The following MSH3 variants were observed in gnomAD, a reference collection of about 807,000 sequenced individuals.
The protein encoded by MSH3 is DNA mismatch repair protein Msh3.
A neutral mutation model predicts 123.3 loss-of-function variants in MSH3; 106 were observed. The observed-to-expected ratio is 0.86, with a 90% CI of 0.73 to 1.01. MSH3 has a LOEUF of 1.01. Among genes scored for constraint, MSH3 ranks in the 50% least tolerant of loss-of-function variants. The pLI is 0.00. For missense variants in MSH3, 1,459 were observed against 1,347.6 expected, an observed-to-expected ratio of 1.08 and a Z score of -1.29; for synonymous variants, 515 against 481.4, an observed-to-expected ratio of 1.07 and a Z score of -0.91.
intron 19 of MSH3, among the ~76,000 whole-genome samples, chr5:80,798,504 C>G (rs1744737616): frequency 6.6e-6 from 1 of 152,110 alleles, no homozygotes; most frequent in South Asian, 2.1e-4. Flanking sequence ...TGCCTAATTA[C>G]CAAGTGGAAC....
chr5:80,674,953 A>G lies in MSH3; in HGVS notation c.1028-30A>G, dbSNP rs56116918. On this transcript the variant is annotated intron_variant, in intron 6 of 23. Transcript: ENST00000265081. ...AGCATATTAGGATTTAGAATTTAGC[A>G]TATAATTATTTTTCTTTAATTATTA... The G allele has an allele frequency of 9.5e-5, 138 of 1,458,920 alleles. No homozygotes were observed. In the East Asian group the frequency reaches 2.3e-3, roughly 24 times the overall value. The allele number at this position is 1,458,920 out of a possible 1,614,324, so 90.4% of individuals were successfully genotyped here.
At chr5:80,669,706 A>G (rs1431915109) in intron 3 of MSH3, among the ~76,000 whole-genome samples, 1 of 152,142 alleles carries the variant, frequency 6.6e-6, no homozygotes, top group Non-Finnish European at 1.5e-5. Flanking sequence ...GTTTTGCCCT[A>G]CTCCTGAGAG....
intron 3 of MSH3, among the ~76,000 whole-genome samples, chr5:80,669,721 C>T (rs1749657502): frequency 6.6e-6 from 1 of 152,042 alleles, no homozygotes; most frequent in Admixed American, 6.5e-5. Flanking sequence ...TGAGAGAGAG[C>T]CAGATTTGTC....
At chr5:80,697,735 A>G (rs986175414) in intron 8 of MSH3, among the ~76,000 whole-genome samples, 7 of 152,182 alleles carry the variant, frequency 4.6e-5, no homozygotes, top group Admixed American at 2.0e-4. Flanking sequence ...TGAGATGTAG[A>G]GAAATATAGA....
intron 3 of MSH3, among the ~76,000 whole-genome samples, chr5:80,666,974 A>T (rs2112810071): frequency 6.6e-6 from 1 of 152,118 alleles, no homozygotes; most frequent in East Asian, 1.9e-4. Context: ...TATCCAAATC[A>T]TTTTTTTTAA....
At chr5:80,836,443 G>A (rs1234174192) in intron 20 of MSH3, among the ~76,000 whole-genome samples, 2 of 149,018 alleles carry the variant, frequency 1.3e-5, no homozygotes, top group African/African-American at 4.9e-5. Flanking sequence ...AAGGCTTCCA[G>A]TCCACAGAAA....
At chr5:80,730,014 G>A (rs1743383032) in intron 10 of MSH3, among the ~76,000 whole-genome samples, 1 of 152,162 alleles carries the variant, frequency 6.6e-6, no homozygotes, top group Non-Finnish European at 1.5e-5. Context: ...GTCAAAGAAA[G>A]GCAGGTTCCT....
intron 3 of MSH3, among the ~76,000 whole-genome samples, chr5:80,666,404 A>G (rs1057018400): frequency 5.3e-5 from 8 of 152,164 alleles, no homozygotes; most frequent in Admixed American, 1.3e-4. Context: ...CTTTCCCACA[A>G]AGCCCAGATC....
chr5:80,774,589 G>A (rs1204553810), intron 15 of MSH3, among the ~76,000 whole-genome samples: 1 of 152,158 alleles, frequency 6.6e-6, no homozygotes, highest in Non-Finnish European at 1.5e-5. Flanking sequence ...AATGGGTAAA[G>A]AAGCTGTAGT....
At chr5:80,870,552 C>T (rs1746195320) in intron 22 of MSH3, among the ~76,000 whole-genome samples, 1 of 152,202 alleles carries the variant, frequency 6.6e-6, no homozygotes, top group African/African-American at 2.4e-5. Context: ...TTCCCACCTA[C>T]TTCCGCACCT....
intron 5 of MSH3, 62 bp from the exon 6 acceptor site, chr5:80,672,679 A>G: frequency 1.5e-6 from 2 of 1,314,136 alleles, no homozygotes; most frequent in Non-Finnish European, 2.2e-6. Context: ...AAACATTTCG[A>G]AATGAGTTTT....
In MSH3 at chr5:80,778,916, A is replaced by G. The variant is rs1360068037; in HGVS notation, c.2435+80A>G. On this transcript the variant is annotated intron_variant, in intron 17 of 23. Coordinates refer to ENST00000265081, the MANE Select transcript of MSH3 (RefSeq NM_002439.5). ...GAAAAATCTTTCCATCAAAAAGAAAATAGAGATTACAGCTCATGACCCACC... is the reference window on the plus strand; with the variant it reads ...GAAAAATCTTTCCATCAAAAAGAAAGTAGAGATTACAGCTCATGACCCACC... The G allele has an allele frequency of 4.8e-6, 4 of 838,656 alleles. No homozygotes were observed. The African/African-American group carries it at 6.7e-5, about 14-fold the overall frequency. 52.0% of individuals were successfully genotyped at this position (838,656 alleles called of 1,614,324 possible).
chr5:80,748,002 C>G (rs1743752625), intron 12 of MSH3, among the ~76,000 whole-genome samples: 1 of 152,148 alleles, frequency 6.6e-6, no homozygotes, highest in South Asian at 2.1e-4. Flanking sequence ...CCTTACTGAT[C>G]ACATCAGTGG....
chr5:80,806,470 T>A (rs1021640440), intron 19 of MSH3, among the ~76,000 whole-genome samples: 3 of 152,238 alleles, frequency 2.0e-5, no homozygotes, highest in African/African-American at 7.2e-5. Flanking sequence ...ATCAATTGTT[T>A]TGTACCAGTT....
At chr5:80,819,481 A>AT (rs1268091436) in intron 20 of MSH3, among the ~76,000 whole-genome samples, 211 of 118,208 alleles carry the variant, frequency 1.8e-3, no homozygotes, top group South Asian at 4.2e-3. Flanking sequence ...TATATATATA[A>AT]TTTTTTTTTT....
chr5:80,823,808 A>G (rs1272455941), intron 20 of MSH3, among the ~76,000 whole-genome samples: 3 of 152,076 alleles, frequency 2.0e-5, no homozygotes, highest in Non-Finnish European at 2.9e-5. Context: ...CAAGTGAACA[A>G]AGGTCTCTGG....
chr5:80,712,607 C>T (rs1005602503), intron 8 of MSH3, among the ~76,000 whole-genome samples: 3 of 151,850 alleles, frequency 2.0e-5, no homozygotes, highest in Non-Finnish European at 4.4e-5. Context: ...GTTTTTTTCC[C>T]CTCTGTGATC....
intron 8 of MSH3, 97 bp from the exon 9 acceptor site, chr5:80,725,356 C>T: frequency 2.5e-6 from 2 of 814,370 alleles, no homozygotes; most frequent in South Asian, 3.1e-5. Context: ...AGGAATAAAT[C>T]TTTATCTTTT....
intron 12 of MSH3, among the ~76,000 whole-genome samples, chr5:80,745,332 G>A (rs982130089): frequency 1.3e-5 from 2 of 152,178 alleles, no homozygotes; most frequent in African/African-American, 4.8e-5. Context: ...TGGAGATTCT[G>A]ACCTAGAACA....
Sources: allele counts gnomAD v4.1 joint callset (sites outside exome capture counted in the v4.1 genomes callset), GRCh38; gene constraint gnomAD v4.1.1; transcripts MANE v1.5; gene names NCBI Gene and HGNC (gene_info 2026-07-23, HGNC 2026-07-21).